The following CYB5B variants were observed in gnomAD, a reference collection of about 807,000 sequenced individuals.
CYB5B encodes cytochrome b5 type B, also known as cytochrome b5 type B (outer mitochondrial membrane).
A neutral mutation model predicts 21.3 loss-of-function variants in CYB5B; 14 were observed. That is an observed-to-expected ratio of 0.66 (90% CI 0.43 to 1.03). CYB5B has a LOEUF of 1.03. Ranked by LOEUF, CYB5B falls within the 50% of genes least tolerant of loss-of-function variation. The pLI, the probability that CYB5B is intolerant of heterozygous loss-of-function variation, is 0.00. For missense variants in CYB5B, 166 were observed against 185.1 expected (o/e 0.90, Z 0.60); for synonymous variants, 69 against 68.4 (o/e 1.01, Z -0.04).
intron 3 of CYB5B, among the ~76,000 whole-genome samples, chr16:69,452,972 C>G (rs1372287736): frequency 6.7e-6 from 1 of 149,368 alleles, no homozygotes; most frequent in African/African-American, 2.5e-5. Context: ...GCACTCCAGC[C>G]TGGTGAGAGA....
intron 1 of CYB5B, among the ~76,000 whole-genome samples, chr16:69,433,183 C>T (rs936730363): frequency 6.6e-6 from 1 of 152,146 alleles, no homozygotes; most frequent in Non-Finnish European, 1.5e-5. Context: ...TGTTTTATAG[C>T]TTTGTTCACA....
intron 3 of CYB5B, among the ~76,000 whole-genome samples, chr16:69,450,834 TTCCTTCTTC>T (rs2142822533): frequency 6.6e-6 from 1 of 152,196 alleles, no homozygotes; most frequent in Admixed American, 6.5e-5. Flanking sequence ...CATTTCCATT[TTCCTTCTTC>T]TCCTTCTTCT....
At chr16:69,425,040 C>T (rs924581601) in intron 1 of CYB5B, among the ~76,000 whole-genome samples, 183 bp downstream of exon 1, 1 of 152,160 alleles carries the variant, frequency 6.6e-6, no homozygotes, top group African/African-American at 2.4e-5. Context: ...CATGCATTTC[C>T]AGTCAGCTCC....
intron 3 of CYB5B, among the ~76,000 whole-genome samples, chr16:69,458,887 C>T (rs888654978): frequency 1.3e-5 from 2 of 152,020 alleles, no homozygotes; most frequent in African/African-American, 2.4e-5. Context: ...AGGAAGGAAC[C>T]TAGTGAAGTG....
At chr16:69,452,230 C>T (rs542259927) in intron 3 of CYB5B, among the ~76,000 whole-genome samples, 60 of 143,114 alleles carry the variant, frequency 4.2e-4, no homozygotes, top group Non-Finnish European at 6.7e-4. Context: ...AGGAGAATGG[C>T]GTGAACCCGG....
intron 1 of CYB5B, 97 bp downstream of exon 1, chr16:69,424,954 G>T: frequency 7.8e-7 from 1 of 1,286,338 alleles, no homozygotes. Context: ...GCTTGGCTGG[G>T]GGCGATAAGG....
At chr16:69,449,605 G>C (rs1292413431) in intron 3 of CYB5B, 4 of 152,144 alleles carry the variant, frequency 2.6e-5, no homozygotes, top group Admixed American at 2.0e-4. Context: ...ACCATTCTTA[G>C]GAATGTAGAA....
At chr16:69,459,382 G>A (rs1446709983) in intron 4 of CYB5B, 1 of 403,636 alleles carries the variant, frequency 2.5e-6, no homozygotes, top group African/African-American at 2.1e-5. Flanking sequence ...ATCACACTCA[G>A]TAAGAGGCCA....
At chr16:69,450,648 G>A (rs945155526) in intron 3 of CYB5B, among the ~76,000 whole-genome samples, 5 of 152,152 alleles carry the variant, frequency 3.3e-5, no homozygotes, top group African/African-American at 1.2e-4. Context: ...TAGGATGTAG[G>A]TATCTCTCTT....
chr16:69,431,748 G>A (rs879747390), intron 1 of CYB5B, among the ~76,000 whole-genome samples: 1 of 152,182 alleles, frequency 6.6e-6, no homozygotes, highest in African/African-American at 2.4e-5. Context: ...CTCCAGCCTG[G>A]GTGACAGCGA....
chr16:69,443,814 T>C (rs165970), intron 1 of CYB5B: 110,642 of 153,036 alleles, frequency 0.72, 40,356 homozygotes, highest in Middle Eastern at 0.82. Context: ...GAGATTGTGC[T>C]ACTGCATTCC....
intron 3 of CYB5B, 170 bp downstream of exon 3, chr16:69,448,314 A>AAGGCAT: frequency 1.4e-6 from 1 of 708,640 alleles, no homozygotes; most frequent in East Asian, 2.7e-5. Context: ...GAATAAAAGA[A>AAGGCAT]TAGCTGAGTC....
intron 2 of CYB5B, 38 bp from the exon 3 acceptor site, chr16:69,448,077 A>G (rs779764244): frequency 6.9e-6 from 11 of 1,602,796 alleles, no homozygotes; most frequent in Middle Eastern, 1.7e-4. Flanking sequence ...TCATTTGGCT[A>G]TGTCTTAAAA....
At chr16:69,461,883 G>A (rs530865860) in intron 4 of CYB5B, among the ~76,000 whole-genome samples, 46 of 152,148 alleles carry the variant, frequency 3.0e-4, no homozygotes, top group African/African-American at 1.0e-3. Flanking sequence ...TATGAGATGA[G>A]AATAATAACC....
At chr16:69,440,877 A>T (rs145784840) in intron 1 of CYB5B, among the ~76,000 whole-genome samples, 2 of 150,924 alleles carry the variant, frequency 1.3e-5, no homozygotes, top group Non-Finnish European at 3.0e-5. Context: ...CAGGATGGTC[A>T]TGAACTCCCA....
chr16:69,433,843 A>G (rs911229837), intron 1 of CYB5B, among the ~76,000 whole-genome samples: 3 of 152,186 alleles, frequency 2.0e-5, no homozygotes, highest in Admixed American at 1.3e-4. Context: ...AACATCATAG[A>G]GTATATTTAC....
At chr16:69,440,167 A>C (rs1044452786) in intron 1 of CYB5B, among the ~76,000 whole-genome samples, 3 of 152,194 alleles carry the variant, frequency 2.0e-5, no homozygotes, top group Non-Finnish European at 2.9e-5. Flanking sequence ...CAGCCACTGC[A>C]CCTGGCCCAT....
intron 3 of CYB5B, among the ~76,000 whole-genome samples, chr16:69,450,474 C>G (rs2014921679): frequency 6.6e-6 from 1 of 152,148 alleles, no homozygotes; most frequent in Non-Finnish European, 1.5e-5. Context: ...AGTCACTCTG[C>G]TCTACTTCAG....
intron 1 of CYB5B, among the ~76,000 whole-genome samples, chr16:69,445,445 CATTT>C (rs2014868298): frequency 6.6e-6 from 1 of 152,124 alleles, no homozygotes; most frequent in Admixed American, 6.5e-5. Flanking sequence ...ATTGAATTAA[CATTT>C]ATTTAAAATA....
Sources: gnomAD v4.1 joint callset for allele counts (sites outside exome capture counted in the v4.1 genomes callset) on GRCh38, gnomAD v4.1.1 for gene constraint, MANE v1.5 for transcripts, NCBI Gene and HGNC (gene_info 2026-07-23, HGNC 2026-07-21) for gene names.